The following CLIP1 variants were observed in gnomAD, a reference collection of about 807,000 sequenced individuals.
CLIP1 encodes CAP-Gly domain containing linker protein 1.
In CLIP1, 66 loss-of-function variants were observed where a neutral mutation model predicts 161.6. That is an observed-to-expected ratio of 0.41 (90% confidence interval 0.33 to 0.50). The LOEUF (loss-of-function observed/expected upper bound fraction) is 0.50, where lower values mean the gene tolerates loss of function less well. Ranked by LOEUF, CLIP1 falls within the 20% of genes least tolerant of loss-of-function variation. The pLI is 0.27. For missense variants in CLIP1, 1,376 were observed against 1,702.0 expected (o/e 0.81, Z 3.37); for synonymous variants, 598 against 626.2 (o/e 0.96, Z 0.67).
Position 122,341,031 on chromosome 12 carries a change from G to T in CLIP1, c.2173C>A (p.Leu725Ile). ...SKLDKAEDQH[L>I]VEMEDTLNKL... ...TTTAACGTGTCTTCCATTTCTACGA[G>T]ATGCTGGTCTTCTGCTTTGTCCAGT... Residue 725 changes from leucine to isoleucine, a missense_variant, in exon 11 of 26, where the codon CTC becomes ATC. Leu to Ile is a conservative substitution (Grantham distance 5, BLOSUM62 2). Transcript: ENST00000620786. 1 of 1,614,050 alleles carries T rather than the reference G, an allele frequency of 6.2e-7. No individual in the cohort carries two copies. Among genetic ancestry groups the T allele is most frequent in the Non-Finnish European group, 8.5e-7 (1 of 1,180,020 alleles).
chr12:122,389,794 T>C (rs1298603045), intron 1 of CLIP1, among the ~76,000 whole-genome samples: 2 of 97,762 alleles, frequency 2.0e-5, no homozygotes, highest in Non-Finnish European at 4.6e-5. Context: ...GAATTTATAA[T>C]GTAGTTGGGG....
At chr12:122,373,403 G>C (rs1159843767) in intron 3 of CLIP1, among the ~76,000 whole-genome samples, 3 of 148,984 alleles carry the variant, frequency 2.0e-5, no homozygotes, top group Non-Finnish European at 4.4e-5. Context: ...AACCTAGGGG[G>C]ACAGAGTGAG....
intron 12 of CLIP1, 141 bp from the exon 13 acceptor site, chr12:122,334,846 G>A (rs991563967): frequency 1.6e-6 from 1 of 636,994 alleles, no homozygotes; most frequent in Non-Finnish European, 2.8e-6. Context: ...TCAAACATAT[G>A]ACACCAATTA....
chr12:122,409,865 GTTATTT>G (rs1289888644), intron 1 of CLIP1, among the ~76,000 whole-genome samples: 1 of 140,416 alleles, frequency 7.1e-6, no homozygotes, highest in Non-Finnish European at 1.6e-5. Flanking sequence ...TTCAGTGTTT[GTTATTT>G]TTATTTTTTT....
At chr12:122,420,922 G>A (rs1024449285) in intron 1 of CLIP1, among the ~76,000 whole-genome samples, 1 of 151,702 alleles carries the variant, frequency 6.6e-6, no homozygotes, top group Non-Finnish European at 1.5e-5. Context: ...GGGACAGATT[G>A]AGGCTCCCTC....
At chr12:122,405,354 A>T (rs1333753837) in intron 1 of CLIP1, among the ~76,000 whole-genome samples, 2 of 152,160 alleles carry the variant, frequency 1.3e-5, no homozygotes, top group Non-Finnish European at 2.9e-5. Flanking sequence ...TTGTCACTTT[A>T]CTGTGCTAGG....
At chr12:122,314,998 G>C (rs540972187) in intron 19 of CLIP1, among the ~76,000 whole-genome samples, 10 of 152,222 alleles carry the variant, frequency 6.6e-5, no homozygotes, top group African/African-American at 2.4e-4. Flanking sequence ...CCATCATCTA[G>C]AGACCCGCCA....
chr12:122,291,757 G>A (rs1013720221), intron 20 of CLIP1, among the ~76,000 whole-genome samples: 7 of 152,152 alleles, frequency 4.6e-5, no homozygotes, highest in African/African-American at 1.2e-4. Context: ...CCACTGGAAA[G>A]ATACTATTTT....
intron 1 of CLIP1, among the ~76,000 whole-genome samples, chr12:122,387,329 G>A (rs1955321014): frequency 6.6e-6 from 1 of 151,788 alleles, no homozygotes. Flanking sequence ...TCACTATGTT[G>A]ACACTTGCAC....
intron 1 of CLIP1, among the ~76,000 whole-genome samples, chr12:122,407,048 AG>A (rs1432289253): frequency 6.6e-6 from 1 of 152,210 alleles, no homozygotes; most frequent in African/African-American, 2.4e-5. Flanking sequence ...ACATACCACT[AG>A]CTTAAGACAC....
chr12:122,321,719 A>G (rs1951512726), intron 17 of CLIP1, among the ~76,000 whole-genome samples: 2 of 151,480 alleles, frequency 1.3e-5, no homozygotes, highest in African/African-American at 4.9e-5. Context: ...GGGTTTTGCC[A>G]TGTTGCCCAG....
intron 4 of CLIP1, among the ~76,000 whole-genome samples, chr12:122,363,142 T>C (rs1432761950): frequency 6.6e-6 from 1 of 152,134 alleles, no homozygotes; most frequent in Non-Finnish European, 1.5e-5. Flanking sequence ...AAAAGAAAAG[T>C]GGGAAATTCC....
intron 19 of CLIP1, among the ~76,000 whole-genome samples, chr12:122,315,540 C>G (rs73404045): frequency 0.027 from 4,077 of 152,286 alleles, 118 homozygotes; most frequent in South Asian, 0.076. Flanking sequence ...TATGAACAGT[C>G]TGTCTGCCTG....
Position 122,272,979 on chromosome 12 carries a change from G to C in CLIP1, c.4213C>G (p.His1405Asp). Residue 1405 changes from histidine to aspartate, a missense_variant, in exon 26 of 26, where the codon CAT becomes GAT. His to Asp is a moderately conservative substitution (Grantham distance 81, BLOSUM62 -1). This residue lies in a region of CLIP1 where 948 missense variants were observed against 1,134.8 expected (regional missense o/e 0.84). Transcript: ENST00000620786. ...TQAQMSEDPP[H>D]STHHGSRGEE... ...CCCCGACTGCCATGGTGTGTGGAAT[G>C]GGGAGGGTCCTCTGACATCTGTGCC... 6.2e-7 allele frequency: 1 copy of C among 1,614,194 alleles called. No homozygotes were observed. The highest frequency in any genetic ancestry group is 8.5e-7 in the Non-Finnish European group (1 of 1,180,040).
Position 122,316,851 on chromosome 12 carries a change from T to C in CLIP1, c.3371A>G (p.Asp1124Gly), listed in dbSNP as rs760307304. 9 of 1,542,590 alleles carry C rather than the reference T, an allele frequency of 5.8e-6. No homozygotes were observed. In the East Asian group the frequency reaches 6.9e-5, roughly 12 times the overall value. The change falls in exon 19 of 26, where the codon GAC (aspartate) becomes GGC (glycine). Residue 1124 changes from aspartate (D) to glycine (G), a missense_variant. Physicochemically the swap from Asp to Gly is moderately conservative, Grantham distance 94. Transcript: ENST00000620786. Reference protein sequence around the residue: ...QTNAKLQNELDTLKENNLKNV... With the variant: ...QTNAKLQNELGTLKENNLKNV... ...TTTCAAGTTGTTTTCTTTAAGTGTG[T>C]CCAACTTAAAGACCAAGAGAAAAAA...
intron 3 of CLIP1, among the ~76,000 whole-genome samples, chr12:122,376,248 T>A (rs1954725566): frequency 6.6e-6 from 1 of 152,116 alleles, no homozygotes; most frequent in African/African-American, 2.4e-5. Context: ...ATTATTTTAT[T>A]TTTTATAGAG....
chr12:122,371,161 A>G (rs1954432738), intron 3 of CLIP1, among the ~76,000 whole-genome samples: 2 of 152,152 alleles, frequency 1.3e-5, no homozygotes. Flanking sequence ...TGCTTAGAGA[A>G]TTCACAGGGA....
At position 122,394,801 on chromosome 12, in the gene CLIP1, C is replaced by CG. The variant is rs1249543110; in HGVS notation, c.-106-14244dup. 2.0e-5 allele frequency among the ~76,000 whole-genome samples: 3 copies of CG among 152,028 alleles called. No individual in the cohort carries two copies. The East Asian group carries it at 5.8e-4, about 29-fold the overall frequency. On this transcript the variant is annotated intron_variant, in intron 1 of 25. Transcript: ENST00000620786. ...CCAGGAGGCGGAGGTTGCAGTGAGC[C>CG]GAGATTGCATCACTGCACTCCAGTC...
rs545430487 is a variant in CLIP1, at chr12:122,292,974, G to A, written c.3595-4433C>T. Reference sequence around the variant, plus strand: ...GCCGAGATAGCACCACTGCAGTCCAGCCTGGGCAAAAGAGCAAGACTCTGT... The same window carrying A: ...GCCGAGATAGCACCACTGCAGTCCAACCTGGGCAAAAGAGCAAGACTCTGT... On this transcript the variant is annotated intron_variant, in intron 20 of 25. Coordinates refer to ENST00000620786, the MANE Select transcript of CLIP1 (RefSeq NM_001247997.2). 2.1e-3 allele frequency among the ~76,000 whole-genome samples: 273 copies of A among 128,416 alleles called. 5 individuals carry two copies. The highest frequency in any genetic ancestry group is 9.6e-3 in the African/African-American group (263 of 27,376). 84.2% of individuals were successfully genotyped at this position (128,416 alleles called of 152,430 possible). A position where few individuals can be genotyped will look rare whatever the true frequency, so the allele number is the denominator to read the frequency against.
Sources: gnomAD v4.1 joint callset for allele counts (sites outside exome capture counted in the v4.1 genomes callset) on GRCh38, gnomAD v4.1.1 for gene constraint, gnomAD v4.1.1 regional missense constraint, MANE v1.5 for transcripts, NCBI Gene and HGNC (gene_info 2026-07-23, HGNC 2026-07-21) for gene names.